RAP1GAP2: variants seen among roughly 807,000 people sequenced by gnomAD.
The protein encoded by RAP1GAP2 is RAP1 GTPase activating protein 2.
In RAP1GAP2, 27 loss-of-function variants were observed where a neutral mutation model predicts 95.0. The observed-to-expected ratio is 0.28, with a 90% CI of 0.21 to 0.39. The LOEUF (loss-of-function observed/expected upper bound fraction) is 0.39, where lower values mean the gene tolerates loss of function less well. Among genes scored for constraint, RAP1GAP2 ranks in the 10% least tolerant of loss-of-function variants. The pLI is 1.00. For synonymous variants in RAP1GAP2, 373 were observed against 380.9 expected, an observed-to-expected ratio of 0.98 and a Z score of 0.24; for missense variants, 771 against 970.0, an observed-to-expected ratio of 0.79 and a Z score of 2.72.
chr17:2,779,910 C>T (rs1195180711), intron 1 of RAP1GAP2, among the ~76,000 whole-genome samples: 1 of 150,828 alleles, frequency 6.6e-6, no homozygotes, highest in Non-Finnish European at 1.5e-5. Flanking sequence ...GGATTCACAG[C>T]GTCTGGGGTG....
chr17:2,897,888 G>T (rs1290739152), intron 2 of RAP1GAP2, among the ~76,000 whole-genome samples: 1 of 151,590 alleles, frequency 6.6e-6, no homozygotes, highest in African/African-American at 2.4e-5. Flanking sequence ...TGAAGTAGGG[G>T]TGGGGATTGC....
chr17:2,908,279 G>T (rs965126063), intron 3 of RAP1GAP2, among the ~76,000 whole-genome samples: 1 of 152,178 alleles, frequency 6.6e-6, no homozygotes, highest in Non-Finnish European at 1.5e-5. Context: ...TGTTGGAGAG[G>T]CTGGGCATGC....
intron 2 of RAP1GAP2, among the ~76,000 whole-genome samples, chr17:2,899,541 C>T (rs918673277): frequency 2.0e-5 from 3 of 151,244 alleles, no homozygotes; most frequent in South Asian, 2.1e-4. Context: ...GGTGGAGTCT[C>T]GCTCTGTCAC....
At chr17:2,823,044 G>A (rs1331684155) in intron 2 of RAP1GAP2, among the ~76,000 whole-genome samples, 3 of 152,138 alleles carry the variant, frequency 2.0e-5, no homozygotes, top group African/African-American at 4.8e-5. Context: ...ACAGCCCTGT[G>A]GCGAGTCTCT....
At position 2,856,401 on chromosome 17, in the gene RAP1GAP2, G is replaced by T. The variant is rs1225069502; in HGVS notation, c.81-48883G>T. On this transcript the variant is annotated intron_variant, in intron 2 of 24. Coordinates refer to ENST00000254695, the MANE Select transcript of RAP1GAP2 (RefSeq NM_015085.5). ...TCTGCCTCACCACAAAGGGCTGTGAGGCTCAAGTCAGATCATGTGAGTGGA... is the reference window on the plus strand; with the variant it reads ...TCTGCCTCACCACAAAGGGCTGTGATGCTCAAGTCAGATCATGTGAGTGGA... Among the ~76,000 whole-genome samples, 4 of 152,202 alleles carry T rather than the reference G, an allele frequency of 2.6e-5. No individual in the cohort carries two copies. In the East Asian group the frequency reaches 7.7e-4, roughly 29 times the overall value.
intron 17 of RAP1GAP2, among the ~76,000 whole-genome samples, chr17:3,017,021 C>A (rs544176778): frequency 6.6e-6 from 1 of 152,268 alleles, no homozygotes; most frequent in Admixed American, 6.5e-5. Context: ...CTCACACCAT[C>A]TTTGAAGGCC....
At chr17:2,983,159 C>T (rs952538670) in intron 10 of RAP1GAP2, among the ~76,000 whole-genome samples, 11 of 152,196 alleles carry the variant, frequency 7.2e-5, no homozygotes, top group South Asian at 2.1e-4. Context: ...CCGCAGATTC[C>T]GGCCAATAAG....
Position 3,005,866 on chromosome 17 carries a change from C to T in RAP1GAP2, c.1273-89C>T, listed in dbSNP as rs1473898901. On this transcript the variant is annotated intron_variant, in intron 15 of 24. Transcript: ENST00000254695. The surrounding 1 kb of genome is among the most constrained non-coding windows in gnomAD (Gnocchi z 5.2). ...GACTTTTCAGGGGTTCTCCCCATGGCCCCGGCTCTGCCTGCCTGTCACTGT... is the reference window on the plus strand; with the variant it reads ...GACTTTTCAGGGGTTCTCCCCATGGTCCCGGCTCTGCCTGCCTGTCACTGT... 2 of 1,257,940 alleles carry T rather than the reference C, an allele frequency of 1.6e-6. No individual in the cohort carries two copies. The highest frequency in any genetic ancestry group is 1.2e-6 in the Non-Finnish European group (1 of 856,134). 77.9% of individuals were successfully genotyped at this position (1,257,940 alleles called of 1,614,324 possible).
intron 2 of RAP1GAP2, among the ~76,000 whole-genome samples, chr17:2,828,290 G>A (rs112300145): frequency 1.4e-4 from 22 of 152,174 alleles, no homozygotes; most frequent in African/African-American, 5.1e-4. Context: ...GCAGTGAGCC[G>A]AGATCGCGCC....
chr17:2,943,782 G>A (rs981534506), intron 3 of RAP1GAP2, among the ~76,000 whole-genome samples: 1 of 152,052 alleles, frequency 6.6e-6, no homozygotes, highest in Non-Finnish European at 1.5e-5. Context: ...TGAGAGGGTC[G>A]TTAATCATCA....
At chr17:2,803,835 C>T (rs1293615958) in intron 2 of RAP1GAP2, among the ~76,000 whole-genome samples, 1 of 152,198 alleles carries the variant, frequency 6.6e-6, no homozygotes, top group Admixed American at 6.5e-5. Context: ...GCTGAGATCA[C>T]ACCATTACAC....
chr17:2,919,908 C>T (rs558742908), intron 3 of RAP1GAP2, among the ~76,000 whole-genome samples: 5 of 152,074 alleles, frequency 3.3e-5, no homozygotes, highest in Non-Finnish European at 5.9e-5. Context: ...GCCATGTTGG[C>T]CAGGCTGGTC....
intron 1 of RAP1GAP2, among the ~76,000 whole-genome samples, chr17:2,783,060 T>C (rs558725970): frequency 5.3e-5 from 8 of 152,074 alleles, no homozygotes; most frequent in Non-Finnish European, 1.2e-4. Flanking sequence ...GTTTTCCCAT[T>C]TTATGAGGAA....
At chr17:2,844,807 T>G (rs1480689461) in intron 2 of RAP1GAP2, among the ~76,000 whole-genome samples, 1 of 152,200 alleles carries the variant, frequency 6.6e-6, no homozygotes, top group Non-Finnish European at 1.5e-5. Flanking sequence ...CATTTTCCCC[T>G]GGACCCAACC....
chr17:2,919,042 G>A (rs959182593), intron 3 of RAP1GAP2, among the ~76,000 whole-genome samples: 4 of 152,186 alleles, frequency 2.6e-5, no homozygotes, highest in Admixed American at 6.5e-5. Flanking sequence ...TTGTCAGGAC[G>A]CCCTGATTTC....
chr17:2,974,661 A>G (rs1349125297), intron 8 of RAP1GAP2, among the ~76,000 whole-genome samples: 1 of 152,134 alleles, frequency 6.6e-6, no homozygotes, highest in Non-Finnish European at 1.5e-5. Flanking sequence ...TAGCAAGGAC[A>G]ATGGGAAGGA....
At chr17:2,938,729 G>A (rs2043381469) in intron 3 of RAP1GAP2, among the ~76,000 whole-genome samples, 1 of 152,140 alleles carries the variant, frequency 6.6e-6, no homozygotes, top group Non-Finnish European at 1.5e-5. Flanking sequence ...GCTTATGCCT[G>A]TAATCCCAGC....
intron 2 of RAP1GAP2, among the ~76,000 whole-genome samples, chr17:2,850,547 G>C (rs919079484): frequency 1.3e-5 from 2 of 150,412 alleles, no homozygotes; most frequent in African/African-American, 4.9e-5. Context: ...AGGAGATCGA[G>C]ACCATCCTGG....
rs1305730705 is a variant in RAP1GAP2, at chr17:2,971,995, TGAA to T, written c.596+6358_596+6360del. 7.9e-5 allele frequency among the ~76,000 whole-genome samples: 12 copies of T among 152,292 alleles called. No homozygotes were observed. In the East Asian group the frequency reaches 2.3e-3, roughly 29 times the overall value. Reference sequence around the variant, plus strand: ...ATAAAAAGATGCATGACCACAGATGTGAAGAAGATTAAATGATTACTAATGGAT... The same window carrying T: ...ATAAAAAGATGCATGACCACAGATGTGAAGATTAAATGATTACTAATGGAT... On this transcript the variant is annotated intron_variant, in intron 8 of 24. Coordinates refer to ENST00000254695, the MANE Select transcript of RAP1GAP2 (RefSeq NM_015085.5).
Sources: gnomAD v4.1 joint callset for allele counts (sites outside exome capture counted in the v4.1 genomes callset) on GRCh38, gnomAD v4.1.1 for gene constraint, Gnocchi (gnomAD v3.1) non-coding constraint, MANE v1.5 for transcripts, NCBI Gene and HGNC (gene_info 2026-07-23, HGNC 2026-07-21) for gene names.